CSMD1: variants seen among roughly 807,000 people sequenced by gnomAD.
CSMD1 encodes the protein CUB and sushi domain-containing protein 1.
A neutral mutation model predicts 417.5 loss-of-function variants in CSMD1; 213 were observed. The ratio of observed to expected loss-of-function variants is 0.51; its 90% CI spans 0.46 to 0.57. The LOEUF (loss-of-function observed/expected upper bound fraction) is 0.57, where lower values mean the gene tolerates loss of function less well. Among genes scored for constraint, CSMD1 ranks in the 20% least tolerant of loss-of-function variants. CSMD1 has a pLI of 0.00. For synonymous variants in CSMD1, 2,862 were observed against 1,736.8 expected (o/e 1.65, Z -16.11); for missense variants, 6,923 against 4,529.7 (o/e 1.53, Z -15.17).
intron 3 of CSMD1, among the ~76,000 whole-genome samples, chr8:4,378,762 C>G (rs1426038025): frequency 2.6e-5 from 4 of 152,146 alleles, no homozygotes; most frequent in Non-Finnish European, 5.9e-5. Flanking sequence ...TATGAGAGCT[C>G]TGCTCTCATG....
At chr8:4,197,302 T>C (rs1335112898) in intron 3 of CSMD1, among the ~76,000 whole-genome samples, 1 of 152,238 alleles carries the variant, frequency 6.6e-6, no homozygotes, top group Non-Finnish European at 1.5e-5. Context: ...TTATGATGGG[T>C]AATGTTATAC....
At chr8:4,555,926 T>C (rs1466827896) in intron 2 of CSMD1, among the ~76,000 whole-genome samples, 1 of 152,110 alleles carries the variant, frequency 6.6e-6, no homozygotes, top group Non-Finnish European at 1.5e-5. Flanking sequence ...ATGAAGAAAC[T>C]TTTCAACAGT....
chr8:3,687,707 G>A (rs1472365564), intron 7 of CSMD1, among the ~76,000 whole-genome samples: 1 of 152,154 alleles, frequency 6.6e-6, no homozygotes, highest in African/African-American at 2.4e-5. Flanking sequence ...ACTGATGGCT[G>A]GTGGCCTTTG....
chr8:4,413,373 G>C (rs1200272235), intron 3 of CSMD1, among the ~76,000 whole-genome samples: 5 of 152,096 alleles, frequency 3.3e-5, no homozygotes, highest in South Asian at 2.1e-4. Flanking sequence ...CGACACATTA[G>C]AAGTCACAGG....
chr8:3,699,994 G>A (rs1292321977), intron 7 of CSMD1, among the ~76,000 whole-genome samples: 3 of 151,202 alleles, frequency 2.0e-5, no homozygotes, highest in Admixed American at 6.6e-5. Context: ...CACCACCTGA[G>A]CATCTGTTGT....
At chr8:3,933,470 C>A (rs775765748) in intron 5 of CSMD1, among the ~76,000 whole-genome samples, 1 of 152,146 alleles carries the variant, frequency 6.6e-6, no homozygotes, top group Non-Finnish European at 1.5e-5. Context: ...CACTCCCACC[C>A]ACTCAACCCC....
At chr8:4,746,476 G>T (rs558743529) in intron 1 of CSMD1, among the ~76,000 whole-genome samples, 1 of 152,212 alleles carries the variant, frequency 6.6e-6, no homozygotes, top group African/African-American at 2.4e-5. Flanking sequence ...CCTCAAGAAT[G>T]AGTGATTCGT....
intron 3 of CSMD1, among the ~76,000 whole-genome samples, chr8:4,282,417 G>A (rs556888247): frequency 5.3e-5 from 8 of 152,290 alleles, no homozygotes; most frequent in African/African-American, 1.9e-4. Context: ...TCCCAAGGAT[G>A]TCCTCTTCTC....
chr8:4,060,912 A>AT (rs1300304566), intron 3 of CSMD1, among the ~76,000 whole-genome samples: 1 of 152,192 alleles, frequency 6.6e-6, no homozygotes, highest in Non-Finnish European at 1.5e-5. Context: ...CCTGTTTCCC[A>AT]TTTGCAGTAG....
At chr8:4,582,365 C>T (rs1272299086) in intron 2 of CSMD1, among the ~76,000 whole-genome samples, 1 of 152,154 alleles carries the variant, frequency 6.6e-6, no homozygotes, top group East Asian at 1.9e-4. Flanking sequence ...ACAAGATAAA[C>T]ATAATTGTTT....
chr8:3,826,423 G>C (rs1486916360), intron 5 of CSMD1, among the ~76,000 whole-genome samples: 1 of 152,178 alleles, frequency 6.6e-6, no homozygotes, highest in Non-Finnish European at 1.5e-5. Flanking sequence ...TTATTAGGGA[G>C]ACCGCTCTTC....
At chr8:4,059,634 A>G (rs1234031237) in intron 3 of CSMD1, among the ~76,000 whole-genome samples, 1 of 152,168 alleles carries the variant, frequency 6.6e-6, no homozygotes. Flanking sequence ...CCACAGAAAT[A>G]CAAACTGCCA....
intron 3 of CSMD1, among the ~76,000 whole-genome samples, chr8:4,096,055 T>G (rs894897878): frequency 7.1e-6 from 1 of 141,790 alleles, no homozygotes; most frequent in African/African-American, 2.9e-5. Flanking sequence ...GTTTTGTTCT[T>G]GTAACTACAG....
At chr8:3,079,127 A>G (rs1813901363) in intron 49 of CSMD1, among the ~76,000 whole-genome samples, 1 of 152,190 alleles carries the variant, frequency 6.6e-6, no homozygotes, top group South Asian at 2.1e-4. Flanking sequence ...ACTGTACCCA[A>G]GCACTCCTTT....
At chr8:4,943,006 G>C (rs1157507022) in intron 1 of CSMD1, among the ~76,000 whole-genome samples, 5 of 152,190 alleles carry the variant, frequency 3.3e-5, no homozygotes, top group South Asian at 2.1e-4. Context: ...TCAGGACTCT[G>C]TTGAGAGTAT....
At chr8:4,478,488 C>T (rs1268013628) in intron 2 of CSMD1, among the ~76,000 whole-genome samples, 1 of 151,994 alleles carries the variant, frequency 6.6e-6, no homozygotes, top group Admixed American at 6.6e-5. Flanking sequence ...AGCTTTCCCC[C>T]CCAAAAAAAC....
chr8:4,440,335 ATG>A (rs1034240043), intron 2 of CSMD1, among the ~76,000 whole-genome samples: 8 of 152,216 alleles, frequency 5.3e-5, no homozygotes, highest in Non-Finnish European at 7.3e-5. Context: ...ACTGGGAAGC[ATG>A]TAAATAAATC....
chr8:3,046,436 T>G (rs985732027), intron 50 of CSMD1, among the ~76,000 whole-genome samples: 1 of 152,190 alleles, frequency 6.6e-6, no homozygotes, highest in East Asian at 1.9e-4. Flanking sequence ...TCTGCCCACC[T>G]TCTTCACCTC....
intron 2 of CSMD1, among the ~76,000 whole-genome samples, chr8:4,462,749 A>G (rs958708228): frequency 6.6e-6 from 1 of 152,202 alleles, no homozygotes; most frequent in African/African-American, 2.4e-5. Context: ...ATAGTTTTTC[A>G]ATAAATGGTG....
Sources: allele counts gnomAD v4.1 joint callset (sites outside exome capture counted in the v4.1 genomes callset), GRCh38; gene constraint gnomAD v4.1.1; transcripts MANE v1.5; gene names NCBI Gene and HGNC (gene_info 2026-07-23, HGNC 2026-07-21).